The following SAMD5 variants were observed in gnomAD, a reference collection of about 807,000 sequenced individuals.
SAMD5 encodes sterile alpha motif domain containing 5, also known as sterile alpha motif domain-containing protein 5.
A neutral mutation model predicts 11.3 loss-of-function variants in SAMD5; 13 were observed. The observed-to-expected ratio is 1.15, with a 90% CI of 0.75 to 1.83. The LOEUF (loss-of-function observed/expected upper bound fraction) is 1.83. SAMD5 is among the 40% of genes most tolerant of loss of function. The pLI is 0.00. For missense variants in SAMD5, 255 were observed against 239.1 expected (o/e 1.07, Z -0.44); for synonymous variants, 129 against 111.3 (o/e 1.16, Z -1.00).
At position 147,565,236 on chromosome 6, in the gene SAMD5, G is replaced by T. The variant is rs967439227; in HGVS notation, c.*780G>T. 1 of 985,840 alleles carries T rather than the reference G, an allele frequency of 1.0e-6. No homozygotes were observed. Among genetic ancestry groups the T allele is most frequent in the Admixed American group, 6.1e-5 (1 of 16,282 alleles). 61.1% of individuals were successfully genotyped at this position (985,840 alleles called of 1,614,324 possible). On this transcript the variant is annotated 3_prime_UTR_variant, in exon 2 of 2. Coordinates refer to ENST00000367474, the MANE Select transcript of SAMD5 (RefSeq NM_001030060.3). ...GCACTCTGTGGAGACTGCCAGGGCC[G>T]CAGCTCACAGCCTGTTCTGAGCTGC...
At chr6:147,575,492 T>A (rs1789205116) in intron 1 of SAMD5, among the ~76,000 whole-genome samples, 1 of 152,252 alleles carries the variant, frequency 6.6e-6, no homozygotes, top group African/African-American at 2.4e-5. Context: ...GGCAACTGTA[T>A]CAATAGCTGC....
chr6:147,578,151 G>A (rs1789245380), intron 1 of SAMD5, among the ~76,000 whole-genome samples: 1 of 152,178 alleles, frequency 6.6e-6, no homozygotes, highest in Admixed American at 6.5e-5. Context: ...TTAGTTTACT[G>A]TCCATCAGAA....
the SAMD5 span, among the ~76,000 whole-genome samples, chr6:147,796,368 G>C: frequency 2.0e-5 from 3 of 152,056 alleles, no homozygotes; most frequent in East Asian, 5.8e-4. Context: ...TCAAAGATCA[G>C]ATAGTTGTAG....
At chr6:147,816,296 AAAAAAATATATAT>A in the SAMD5 span, among the ~76,000 whole-genome samples, 11 of 114,814 alleles carry the variant, frequency 9.6e-5, no homozygotes, top group African/African-American at 3.8e-4. Flanking sequence ...AAAAAAAAAA[AAAAAAATATATAT>A]ATATATATAT....
chr6:147,611,224 C>G (rs565438893), intron 1 of SAMD5, among the ~76,000 whole-genome samples: 1 of 152,112 alleles, frequency 6.6e-6, no homozygotes, highest in Non-Finnish European at 1.5e-5. Flanking sequence ...GAACTACATA[C>G]AAACCCTTAG....
intron 1 of SAMD5, among the ~76,000 whole-genome samples, chr6:147,714,032 A>C (rs1294112725): frequency 6.6e-6 from 1 of 152,206 alleles, no homozygotes; most frequent in African/African-American, 2.4e-5. Context: ...TAACAGTAAA[A>C]TAAAACAGCC....
chr6:147,609,378 A>C (rs558208515), intron 1 of SAMD5, among the ~76,000 whole-genome samples: 7 of 152,228 alleles, frequency 4.6e-5, no homozygotes, highest in Non-Finnish European at 1.0e-4. Context: ...AACTCTGCCA[A>C]CCTCACTCTA....
At chr6:147,908,538 C>G in the SAMD5 span, among the ~76,000 whole-genome samples, 257 of 152,252 alleles carry the variant, frequency 1.7e-3, 1 homozygote, top group African/African-American at 5.8e-3. Context: ...ATTCATTGTC[C>G]ATTAAGTGAG....
chr6:147,793,025 C>T, the SAMD5 span, among the ~76,000 whole-genome samples: 2 of 152,118 alleles, frequency 1.3e-5, no homozygotes, highest in Non-Finnish European at 2.9e-5. Flanking sequence ...CATATATCCC[C>T]ATTCTTTAAG....
chr6:147,545,185 G>A (rs186212823), intron 1 of SAMD5, among the ~76,000 whole-genome samples: 43 of 152,276 alleles, frequency 2.8e-4, no homozygotes, highest in Non-Finnish European at 5.4e-4. Flanking sequence ...ATTAGTTATG[G>A]TCAGTGATTT....
the SAMD5 span, among the ~76,000 whole-genome samples, chr6:147,798,989 T>C: frequency 1.3e-5 from 2 of 152,226 alleles, no homozygotes; most frequent in African/African-American, 4.8e-5. Flanking sequence ...ATTTCCTGAA[T>C]ACAGCACACT....
intron 1 of SAMD5, among the ~76,000 whole-genome samples, chr6:147,622,892 A>T (rs576927513): frequency 1.3e-5 from 2 of 152,196 alleles, no homozygotes; most frequent in Admixed American, 1.3e-4. Context: ...GTGGCAGGCA[A>T]GAGAGAATGA....
intron 1 of SAMD5, among the ~76,000 whole-genome samples, chr6:147,704,804 T>C (rs1375535025): frequency 2.0e-5 from 3 of 152,214 alleles, no homozygotes; most frequent in Non-Finnish European, 4.4e-5. Context: ...CCAAAAGCAC[T>C]GGTTGAAGCT....
intron 1 of SAMD5, among the ~76,000 whole-genome samples, chr6:147,649,288 GTC>G (rs1303804020): frequency 6.6e-6 from 1 of 152,144 alleles, no homozygotes; most frequent in Non-Finnish European, 1.5e-5. Flanking sequence ...AGCTTCAGAT[GTC>G]TTTTATCTTT....
the SAMD5 span, among the ~76,000 whole-genome samples, chr6:147,774,545 G>A: frequency 1.3e-5 from 2 of 151,954 alleles, no homozygotes; most frequent in South Asian, 4.2e-4. Context: ...TAAATGCTAT[G>A]TAAGTAGTTT....
chr6:147,752,505 C>T, the SAMD5 span, among the ~76,000 whole-genome samples: 2 of 152,142 alleles, frequency 1.3e-5, no homozygotes, highest in African/African-American at 2.4e-5. Context: ...CTCCCACAAA[C>T]CCTTTTCTGG....
At chr6:147,920,662 A>T in the SAMD5 span, among the ~76,000 whole-genome samples, 8 of 152,330 alleles carry the variant, frequency 5.3e-5, no homozygotes, top group South Asian at 1.0e-3. Flanking sequence ...TTAAAAAATA[A>T]TCATCTGGAG....
the SAMD5 span, among the ~76,000 whole-genome samples, chr6:147,774,871 C>T: frequency 6.6e-6 from 1 of 152,092 alleles, no homozygotes; most frequent in Admixed American, 6.6e-5. Flanking sequence ...TCCCTTCACA[C>T]CCACCTCCTC....
At chr6:147,854,496 A>G in the SAMD5 span, among the ~76,000 whole-genome samples, 1 of 152,204 alleles carries the variant, frequency 6.6e-6, no homozygotes, top group Non-Finnish European at 1.5e-5. Flanking sequence ...AGAGGTTTGC[A>G]TCATTCAGGT....
Sources: allele counts gnomAD v4.1 joint callset (sites outside exome capture counted in the v4.1 genomes callset), GRCh38; gene constraint gnomAD v4.1.1; transcripts MANE v1.5; gene names NCBI Gene and HGNC (gene_info 2026-07-23, HGNC 2026-07-21).